TMEM9: variants seen among roughly 807,000 people sequenced by gnomAD.
TMEM9 encodes proton-transporting V-type ATPase complex assembly regulator TMEM9.
In TMEM9, 13 loss-of-function variants were observed where a neutral mutation model predicts 22.8. The ratio of observed to expected loss-of-function variants is 0.57; its 90% CI spans 0.37 to 0.91. The LOEUF (loss-of-function observed/expected upper bound fraction) is 0.91. Ranked by LOEUF, TMEM9 falls within the 40% of genes least tolerant of loss-of-function variation. The pLI is 0.01. For missense variants in TMEM9, 182 were observed against 238.1 expected, an observed-to-expected ratio of 0.76 and a Z score of 1.55; for synonymous variants, 88 against 93.0, an observed-to-expected ratio of 0.95 and a Z score of 0.31.
intron 1 of TMEM9, among the ~76,000 whole-genome samples, chr1:201,152,545 TATCTCAG>T: frequency 6.6e-6 from 1 of 152,212 alleles, no homozygotes; most frequent in Non-Finnish European, 1.5e-5. Flanking sequence ...GAATGGAAGT[TATCTCAG>T]GAGTCCCAGA....
chr1:201,166,366 C>CT (rs10712932), intron 1 of TMEM9, among the ~76,000 whole-genome samples: 240 of 141,950 alleles, frequency 1.7e-3, no homozygotes, highest in African/African-American at 5.5e-3. Flanking sequence ...GACTATGATT[C>CT]TTTTTTTTTT....
In TMEM9 at chr1:201,138,841, A is replaced by G. The variant is rs189151618; in HGVS notation, c.400-3026T>C. Reference sequence around the variant, plus strand: ...AGTGGCCAAGTCGGAATTTGAACCCATGTACGTATATCTCTTATCCTAGGA... The same window carrying G: ...AGTGGCCAAGTCGGAATTTGAACCCGTGTACGTATATCTCTTATCCTAGGA... On this transcript the variant is annotated intron_variant, in intron 4 of 4. Coordinates refer to ENST00000367330, the MANE Select transcript of TMEM9 (RefSeq NM_001288565.2). Among the ~76,000 whole-genome samples the G allele has an allele frequency of 9.7e-4, 148 of 152,282 alleles. 1 individual carries two copies. Among genetic ancestry groups the G allele is most frequent in the Non-Finnish European group, 1.9e-3 (130 of 68,014 alleles).
At chr1:201,164,995 T>C (rs950898616) in intron 1 of TMEM9, among the ~76,000 whole-genome samples, 2 of 151,684 alleles carry the variant, frequency 1.3e-5, no homozygotes, top group East Asian at 1.9e-4. Flanking sequence ...TCAGGCCCAA[T>C]TGGATGCTAA....
intron 1 of TMEM9, among the ~76,000 whole-genome samples, chr1:201,169,755 GAA>G (rs1288467668): frequency 6.6e-6 from 1 of 152,162 alleles, no homozygotes; most frequent in African/African-American, 2.4e-5. Flanking sequence ...AATATCAGAT[GAA>G]AAGTTTGATG....
chr1:201,147,568 C>T (rs534313183), intron 2 of TMEM9, among the ~76,000 whole-genome samples: 1 of 152,330 alleles, frequency 6.6e-6, no homozygotes, highest in African/African-American at 2.4e-5. Flanking sequence ...ACAACCGCAC[C>T]AGCCTCCGCG....
chr1:201,138,331 A>T (rs1028959909), intron 4 of TMEM9, among the ~76,000 whole-genome samples: 1 of 152,188 alleles, frequency 6.6e-6, no homozygotes, highest in Non-Finnish European at 1.5e-5. Flanking sequence ...AACAGCTCCT[A>T]AGTGGGGGAA....
At chr1:201,164,237 G>A (rs904972846) in intron 1 of TMEM9, among the ~76,000 whole-genome samples, 1 of 152,216 alleles carries the variant, frequency 6.6e-6, no homozygotes, top group Non-Finnish European at 1.5e-5. Context: ...GCGGGTGGAG[G>A]TGGATATGAC....
At chr1:201,143,469 T>G (rs1664698826) in intron 4 of TMEM9, among the ~76,000 whole-genome samples, 1 of 152,216 alleles carries the variant, frequency 6.6e-6, no homozygotes, top group East Asian at 1.9e-4. Flanking sequence ...TGCCGTCCAG[T>G]CCACCAGCAG....
intron 1 of TMEM9, among the ~76,000 whole-genome samples, chr1:201,167,629 G>A (rs1666110464): frequency 6.6e-6 from 1 of 152,196 alleles, no homozygotes; most frequent in South Asian, 2.1e-4. Flanking sequence ...CTGCTAGCCT[G>A]GTGGTCTCTC....
At chr1:201,168,881 T>G (rs758094922) in intron 1 of TMEM9, among the ~76,000 whole-genome samples, 2 of 151,988 alleles carry the variant, frequency 1.3e-5, no homozygotes, top group African/African-American at 4.8e-5. Context: ...AGCCTTGACC[T>G]CTTGGGCTCA....
intron 1 of TMEM9, among the ~76,000 whole-genome samples, chr1:201,168,530 C>T (rs1408979734): frequency 6.6e-6 from 1 of 152,156 alleles, no homozygotes; most frequent in Non-Finnish European, 1.5e-5. Context: ...ATCAGCCTGG[C>T]CAACATGGTG....
chr1:201,143,918 C>A lies in TMEM9; in HGVS notation c.301G>T (p.Ala101Ser), dbSNP rs754577702. The part of the protein sequence containing the change: ...IIVIYLSVVG[A>S]LLLYMAFLML... ...AGGAAGGCCATGTAGAGCAACAGGGCACCCACCACGGACAGGTAGATGACA... is the reference window on the plus strand; with the variant it reads ...AGGAAGGCCATGTAGAGCAACAGGGAACCCACCACGGACAGGTAGATGACA... Residue 101 changes from alanine (A) to serine (S), a missense_variant, in exon 4 of 5, where the codon GCC (alanine) becomes TCC (serine). Ala to Ser is a moderately conservative substitution (Grantham distance 99). Coordinates refer to ENST00000367330, the MANE Select transcript of TMEM9 (RefSeq NM_001288565.2). 1.9e-6 allele frequency: 3 copies of A among 1,614,122 alleles called. No individual in the cohort carries two copies. In the East Asian group the frequency reaches 6.7e-5, roughly 36 times the overall value.
intron 4 of TMEM9, among the ~76,000 whole-genome samples, chr1:201,142,344 T>G (rs1225008476): frequency 1.3e-5 from 2 of 152,200 alleles, no homozygotes; most frequent in Non-Finnish European, 2.9e-5. Context: ...GCTTCACACT[T>G]AGACTTGAGC....
chr1:201,138,353 A>G (rs745851138), intron 4 of TMEM9, among the ~76,000 whole-genome samples: 1 of 152,236 alleles, frequency 6.6e-6, no homozygotes, highest in Non-Finnish European at 1.5e-5. Flanking sequence ...GCTGCCACTG[A>G]GAGGCTGAGT....
At chr1:201,165,135 CT>C (rs1262604610) in intron 1 of TMEM9, among the ~76,000 whole-genome samples, 1 of 117,426 alleles carries the variant, frequency 8.5e-6, no homozygotes, top group East Asian at 2.3e-4. Flanking sequence ...CATTTTATCA[CT>C]TTTTAAGAGA....
upstream of TMEM9, among the ~76,000 whole-genome samples, chr1:201,159,195 T>C (rs896034142): frequency 6.6e-6 from 1 of 152,218 alleles, no homozygotes; most frequent in Non-Finnish European, 1.5e-5. Context: ...GGGGCAGTAA[T>C]GTGGGGGTAC....
intron 3 of TMEM9, 108 bp from the exon 4 acceptor site, chr1:201,144,059 GT>G: frequency 7.6e-7 from 1 of 1,309,610 alleles, no homozygotes; most frequent in South Asian, 1.3e-5. Context: ...TCCTCAAGTG[GT>G]GCACTAAGAA....
chr1:201,167,201 T>A (rs1472222891), intron 1 of TMEM9, among the ~76,000 whole-genome samples: 2 of 152,240 alleles, frequency 1.3e-5, no homozygotes, highest in African/African-American at 4.8e-5. Flanking sequence ...ACCGTGGCAC[T>A]GCAGTACACA....
rs1665651964 is a variant in TMEM9 at position 201,154,052 on chromosome 1, G to A, written c.-129C>T. 2.7e-6 allele frequency: 3 copies of A among 1,128,878 alleles called. No homozygotes were observed. The highest frequency in any genetic ancestry group is 3.7e-6 in the Non-Finnish European group (3 of 812,696). 69.9% of individuals were successfully genotyped at this position (1,128,878 alleles called of 1,614,324 possible). ...TAACCATCCGGCCAAGTGGGAATGG[G>A]GTTGGGGGCTGGGCTCCAGGATTCC... On this transcript the variant is annotated 5_prime_UTR_variant, in exon 1 of 5. Coordinates refer to ENST00000367330, the MANE Select transcript of TMEM9 (RefSeq NM_001288565.2).
Sources: allele counts gnomAD v4.1 joint callset (sites outside exome capture counted in the v4.1 genomes callset), GRCh38; gene constraint gnomAD v4.1.1; transcripts MANE v1.5; gene names NCBI Gene and HGNC (gene_info 2026-07-23, HGNC 2026-07-21).